PCDH1: variants seen among roughly 807,000 people sequenced by gnomAD.
PCDH1 encodes protocadherin 1, also known as protocadherin-1.
In PCDH1, 23 loss-of-function variants were observed where a neutral mutation model predicts 74.6. That is an observed-to-expected ratio of 0.31 (90% confidence interval 0.22 to 0.44). The LOEUF (loss-of-function observed/expected upper bound fraction) is 0.44, where lower values mean the gene tolerates loss of function less well. Among genes scored for constraint, PCDH1 ranks in the 20% least tolerant of loss-of-function variants. The probability of loss-of-function intolerance (pLI) is 1.00; values close to 1 mark genes in which losing one functional copy is unlikely to be tolerated. For synonymous variants in PCDH1, 647 were observed against 686.1 expected (o/e 0.94, Z 0.89); for missense variants, 1,214 against 1,641.4 (o/e 0.74, Z 4.50).
chr5:141,857,144 A>G, intron 4 of PCDH1, 108 bp downstream of exon 4: 2 of 882,492 alleles, frequency 2.3e-6, no homozygotes, highest in Admixed American at 6.1e-5. Context: ...GGTGATGATG[A>G]CTGAGCACAT....
Position 141,878,147 on chromosome 5 carries a change from C to G in PCDH1, c.40+76G>C. ...CCGCGGCCTCGCTCCGCCGAGCGCC[C>G]CTCCCTCAGCTCCCGCCGGCCATGA... On this transcript the variant is annotated intron_variant, in intron 1 of 4. Coordinates refer to ENST00000287008, the MANE Select transcript of PCDH1 (RefSeq NM_032420.5). The surrounding 1 kb of genome is among the most constrained non-coding windows in gnomAD (Gnocchi z 5.5). 7.5e-7 allele frequency: 1 copy of G among 1,335,284 alleles called. No individual in the cohort carries two copies. Among genetic ancestry groups the G allele is most frequent in the South Asian group, 1.5e-5 (1 of 66,402 alleles). 82.7% of individuals were successfully genotyped at this position (1,335,284 alleles called of 1,614,324 possible).
At chr5:141,858,866 G>A (rs746881720) in intron 3 of PCDH1, among the ~76,000 whole-genome samples, 17 of 152,048 alleles carry the variant, frequency 1.1e-4, no homozygotes, top group Non-Finnish European at 2.4e-4. Context: ...AGGGGAGGTG[G>A]CCCTGGCTTT....
chr5:141,878,115 TG>T lies in PCDH1; in HGVS notation c.40+107del. 9.5e-7 allele frequency: 1 copy of T among 1,057,918 alleles called. No homozygotes were observed. The highest frequency in any genetic ancestry group is 1.3e-6 in the Non-Finnish European group (1 of 797,470). 65.5% of individuals were successfully genotyped at this position (1,057,918 alleles called of 1,614,324 possible). A position where few individuals can be genotyped will look rare whatever the true frequency, so the allele number is the denominator to read the frequency against. ...CAGCCCCCTCGCGCCGAGCTCGTGT[TG>T]GGCCCCCGCGGCCTCGCTCCGCCGA... On this transcript the variant is annotated intron_variant, in intron 1 of 4. Coordinates refer to ENST00000287008, the MANE Select transcript of PCDH1 (RefSeq NM_032420.5). The surrounding 1 kb of genome is among the most constrained non-coding windows in gnomAD (Gnocchi z 5.5).
intron 1 of PCDH1, among the ~76,000 whole-genome samples, chr5:141,877,240 T>C (rs1040990186): frequency 3.9e-5 from 6 of 152,094 alleles, no homozygotes; most frequent in Admixed American, 6.5e-5. Context: ...CACCCAGTGT[T>C]AAGATGGGTG....
Position 141,867,611 on chromosome 5 carries a change from G to C in PCDH1, c.903+958C>G, listed in dbSNP as rs141305676. On this transcript the variant is annotated intron_variant, in intron 2 of 4. Coordinates refer to ENST00000287008, the MANE Select transcript of PCDH1 (RefSeq NM_032420.5). Reference sequence around the variant, plus strand: ...CTCTTTTCCAGGTCCCAGTCCACCAGGCTCTAAAAAAAAAAAAAAAGGCTG... The same window carrying C: ...CTCTTTTCCAGGTCCCAGTCCACCACGCTCTAAAAAAAAAAAAAAAGGCTG... 2.3e-3 allele frequency: 1,010 copies of C among 446,100 alleles called. 9 individuals carry two copies. The highest frequency in any genetic ancestry group is 0.018 in the African/African-American group (896 of 48,558). 27.6% of individuals were successfully genotyped at this position (446,100 alleles called of 1,614,324 possible).
Position 141,865,668 on chromosome 5 carries a change from G to GCTA in PCDH1, c.904-244_904-242dup, listed in dbSNP as rs1181731688. On this transcript the variant is annotated intron_variant, in intron 2 of 4. Coordinates refer to ENST00000287008, the MANE Select transcript of PCDH1 (RefSeq NM_032420.5). The surrounding 1 kb of genome is among the most constrained non-coding windows in gnomAD (Gnocchi z 4.4). ...ATGCAGCCTGCAAATCCTCAACAGT[G>GCTA]CTACAGGCAACTATTGGAGATGGGA... Among the ~76,000 whole-genome samples, 2 of 152,190 alleles carry GCTA rather than the reference G, an allele frequency of 1.3e-5. No homozygotes were observed. Among genetic ancestry groups the GCTA allele is most frequent in the Admixed American group, 1.3e-4 (2 of 15,286 alleles).
intron 2 of PCDH1, chr5:141,866,309 G>C: frequency 1.2e-6 from 1 of 844,972 alleles, no homozygotes; most frequent in Non-Finnish European, 1.4e-6. Flanking sequence ...GAGCCTGCTG[G>C]CAGTGGGCTG....
At chr5:141,876,192 C>A (rs1021329124) in intron 1 of PCDH1, among the ~76,000 whole-genome samples, 2 of 152,202 alleles carry the variant, frequency 1.3e-5, no homozygotes, top group African/African-American at 2.4e-5. Context: ...GGCCCCACCC[C>A]CACCCCGGCA....
Position 141,857,375 on chromosome 5 carries a change from A to T in PCDH1, c.3196T>A (p.Ser1066Thr). 1 of 1,612,404 alleles carries T rather than the reference A, an allele frequency of 6.2e-7. No homozygotes were observed. The highest frequency in any genetic ancestry group is 8.5e-7 in the Non-Finnish European group (1 of 1,179,492). ...HSYYDSGLEESETPSSKSSSG... is the reference protein window; with the variant it reads ...HSYYDSGLEETETPSSKSSSG... ...GATGACTTGCTGGACGGCGTCTCAG[A>T]CTCCTCCAGGCCACTGTCATAGTAA... Residue 1066 changes from serine (S) to threonine (T), a missense_variant, in exon 4 of 5, where the codon TCT (serine) becomes ACT (threonine). Around this residue, in one of 4 missense-constraint regions of PCDH1, gnomAD observed 836 missense variants for 1,182.2 expected, o/e 0.71. Coordinates refer to ENST00000287008, the MANE Select transcript of PCDH1 (RefSeq NM_032420.5).
rs868563121 is a variant in PCDH1 at position 141,878,396 on chromosome 5, G to T, written c.-134C>A. ...GGCTTTGCGTCCGCGCCGCGCTCCCGCTCCCCGAGTGTGTGAGGCGGCGGC... is the reference window on the plus strand; with the variant it reads ...GGCTTTGCGTCCGCGCCGCGCTCCCTCTCCCCGAGTGTGTGAGGCGGCGGC... On this transcript the variant is annotated 5_prime_UTR_variant, in exon 1 of 5. Coordinates refer to ENST00000287008, the MANE Select transcript of PCDH1 (RefSeq NM_032420.5). The surrounding 1 kb of genome is among the most constrained non-coding windows in gnomAD (Gnocchi z 5.5). 11 of 602,110 alleles carry T rather than the reference G, an allele frequency of 1.8e-5. No individual in the cohort carries two copies. Among genetic ancestry groups the T allele is most frequent in the African/African-American group, 8.1e-5 (4 of 49,570 alleles). The allele number at this position is 602,110 out of a possible 1,614,324, so 37.3% of individuals were successfully genotyped here.
chr5:141,854,516 C>T, intron 4 of PCDH1, 80 bp from the exon 5 acceptor site: 1 of 1,431,582 alleles, frequency 7.0e-7, no homozygotes, highest in Non-Finnish European at 9.4e-7. Context: ...CCACTGGCAT[C>T]TACACCCCAC....
chr5:141,854,467 C>A, intron 4 of PCDH1, 31 bp from the exon 5 acceptor site: 2 of 1,568,206 alleles, frequency 1.3e-6, no homozygotes, highest in South Asian at 1.2e-5. Flanking sequence ...GGACAATTGT[C>A]AGACATACAG....
In PCDH1 at chr5:141,869,683, G is replaced by A. The variant is rs943453898; in HGVS notation, c.41-252C>T. On this transcript the variant is annotated intron_variant, in intron 1 of 4. Coordinates refer to ENST00000287008, the MANE Select transcript of PCDH1 (RefSeq NM_032420.5). The surrounding 1 kb of genome is among the most constrained non-coding windows in gnomAD (Gnocchi z 4.9). The stretch of plus-strand genomic sequence containing the variant: ...GCCTGGCATGCCTAGAGCAGCTCCC[G>A]CCCATGGAACACCCTCACCCACCTG... 2.1e-5 allele frequency: 32 copies of A among 1,519,176 alleles called. No individual in the cohort carries two copies. The highest frequency in any genetic ancestry group is 6.1e-5 in the South Asian group (5 of 82,214). The allele number at this position is 1,519,176 out of a possible 1,614,324, so 94.1% of individuals were successfully genotyped here.
At chr5:141,872,588 C>T (rs1050401582) in intron 1 of PCDH1, among the ~76,000 whole-genome samples, 1 of 152,184 alleles carries the variant, frequency 6.6e-6, no homozygotes, top group Non-Finnish European at 1.5e-5. Context: ...CCAAGAGCTA[C>T]GAATTAAGCC....
chr5:141,860,275 G>A (rs1018890819), intron 3 of PCDH1, among the ~76,000 whole-genome samples: 3 of 152,192 alleles, frequency 2.0e-5, no homozygotes, highest in Non-Finnish European at 4.4e-5. Flanking sequence ...CACTTTGGGA[G>A]GCTGAGGTGG....
At position 141,857,505 on chromosome 5, in the gene PCDH1, C is replaced by T. The variant is rs1336731229; in HGVS notation, c.3100-34G>A. 4 of 1,588,260 alleles carry T rather than the reference C, an allele frequency of 2.5e-6. No homozygotes were observed. In the Admixed American group the frequency reaches 5.2e-5, roughly 21 times the overall value. ...AGACAGATTGTCACTACTGACCAGC[C>T]AGCTTGCCCACAGGGCCCACCACCA... On this transcript the variant is annotated intron_variant, in intron 3 of 4. Transcript: ENST00000287008.
Position 141,878,143 on chromosome 5 carries a change from C to G in PCDH1, c.40+80G>C, listed in dbSNP as rs1753288025. On this transcript the variant is annotated intron_variant, in intron 1 of 4. Coordinates refer to ENST00000287008, the MANE Select transcript of PCDH1 (RefSeq NM_032420.5). The surrounding 1 kb of genome is among the most constrained non-coding windows in gnomAD (Gnocchi z 5.5). ...GCCCCCGCGGCCTCGCTCCGCCGAG[C>G]GCCCCTCCCTCAGCTCCCGCCGGCC... The G allele has an allele frequency of 2.5e-5, 33 of 1,296,768 alleles. No homozygotes were observed. Among genetic ancestry groups the G allele is most frequent in the African/African-American group, 1.6e-5 (1 of 64,042 alleles). The allele number at this position is 1,296,768 out of a possible 1,614,324, so 80.3% of individuals were successfully genotyped here.
Position 141,869,479 on chromosome 5 carries a change from C to T in PCDH1, c.41-48G>A, listed in dbSNP as rs748122251. 43 of 1,583,230 alleles carry T rather than the reference C, an allele frequency of 2.7e-5. No homozygotes were observed. Among genetic ancestry groups the T allele is most frequent in the Non-Finnish European group, 3.6e-5 (42 of 1,173,256 alleles). ...AGAGGCCATGAGCTGGGAAGAAAAG[C>T]CTGGCCCTGAGCTGCCCAGAGCTGG... On this transcript the variant is annotated intron_variant, in intron 1 of 4. Transcript: ENST00000287008. The surrounding 1 kb of genome is among the most constrained non-coding windows in gnomAD (Gnocchi z 4.9).
chr5:141,863,051 A>G lies in PCDH1; in HGVS notation c.3099+181T>C. 1 of 1,330,634 alleles carries G rather than the reference A, an allele frequency of 7.5e-7. No individual in the cohort carries two copies. 82.4% of individuals were successfully genotyped at this position (1,330,634 alleles called of 1,614,324 possible). A position where few individuals can be genotyped will look rare whatever the true frequency, so the allele number is the denominator to read the frequency against. ...GCACACCCTCCCTTAATCTTCACTC[A>G]GCCTAATCCGTGTGCCCGGTGAGGC... On this transcript the variant is annotated intron_variant, in intron 3 of 4. Coordinates refer to ENST00000287008, the MANE Select transcript of PCDH1 (RefSeq NM_032420.5). The surrounding 1 kb of genome is among the most constrained non-coding windows in gnomAD (Gnocchi z 7.5).
Sources: gnomAD v4.1 joint callset for allele counts (sites outside exome capture counted in the v4.1 genomes callset) on GRCh38, gnomAD v4.1.1 for gene constraint, gnomAD v4.1.1 regional missense constraint, Gnocchi (gnomAD v3.1) non-coding constraint, MANE v1.5 for transcripts, NCBI Gene and HGNC (gene_info 2026-07-23, HGNC 2026-07-21) for gene names.